MIS18A: variants seen among roughly 807,000 people sequenced by gnomAD.
The protein encoded by MIS18A is protein Mis18-alpha.
MIS18A carries 14 observed loss-of-function variants against 25.0 expected under a neutral mutation model. The ratio of observed to expected loss-of-function variants is 0.56; its 90% CI spans 0.37 to 0.88. The LOEUF (loss-of-function observed/expected upper bound fraction) is 0.88. Among genes scored for constraint, MIS18A ranks in the 40% least tolerant of loss-of-function variants. The probability of loss-of-function intolerance (pLI) is 0.00; values close to 1 mark genes in which losing one functional copy is unlikely to be tolerated. For synonymous variants in MIS18A, 134 were observed against 118.6 expected (o/e 1.13, Z -0.84); for missense variants, 292 against 290.8 (o/e 1.00, Z -0.03).
chr21:32,199,636 C>T, the MIS18A span, among the ~76,000 whole-genome samples: 2 of 151,846 alleles, frequency 1.3e-5, no homozygotes, highest in Admixed American at 6.6e-5. Context: ...GGTAAAACCC[C>T]GCCTCTACTA....
chr21:32,230,886 G>A, the MIS18A span, among the ~76,000 whole-genome samples: 27 of 152,232 alleles, frequency 1.8e-4, no homozygotes, highest in African/African-American at 6.0e-4. Context: ...ATATATGATT[G>A]CATCAAAATT....
At chr21:32,194,073 G>A in the MIS18A span, among the ~76,000 whole-genome samples, 1 of 152,142 alleles carries the variant, frequency 6.6e-6, no homozygotes, top group African/African-American at 2.4e-5. Context: ...ATGAGGCTGT[G>A]GAATGGGGAA....
At chr21:32,179,482 T>C in the MIS18A span, among the ~76,000 whole-genome samples, 1 of 151,680 alleles carries the variant, frequency 6.6e-6, no homozygotes, top group Non-Finnish European at 1.5e-5. Flanking sequence ...TACACACATC[T>C]ACACTCTAGT....
At chr21:32,194,434 C>T in the MIS18A span, among the ~76,000 whole-genome samples, 12 of 151,966 alleles carry the variant, frequency 7.9e-5, no homozygotes, top group Non-Finnish European at 1.2e-4. Flanking sequence ...CTGAGTGGGG[C>T]GGATTACCTG....
the MIS18A span, among the ~76,000 whole-genome samples, chr21:32,252,621 T>C: frequency 5.4e-4 from 83 of 152,350 alleles, no homozygotes; most frequent in Non-Finnish European, 1.1e-3. Context: ...GCATACCCGC[T>C]GTCAGAAGTA....
the MIS18A span, among the ~76,000 whole-genome samples, chr21:32,245,680 C>T: frequency 6.6e-6 from 1 of 152,186 alleles, no homozygotes; most frequent in African/African-American, 2.4e-5. Context: ...TCCTTCCAAA[C>T]CTTCAGTAAA....
At chr21:32,183,791 G>A in the MIS18A span, among the ~76,000 whole-genome samples, 2 of 152,140 alleles carry the variant, frequency 1.3e-5, no homozygotes, top group South Asian at 4.1e-4. Flanking sequence ...GCTCTTTGCT[G>A]TTGTCCAAAA....
the MIS18A span, among the ~76,000 whole-genome samples, chr21:32,155,158 G>A: frequency 3.9e-5 from 6 of 152,110 alleles, no homozygotes; most frequent in East Asian, 5.8e-4. Flanking sequence ...TAATTTTACA[G>A]CAAAATTTTA....
the MIS18A span, among the ~76,000 whole-genome samples, chr21:32,196,425 G>T: frequency 1.3e-5 from 2 of 151,226 alleles, no homozygotes; most frequent in African/African-American, 4.9e-5. Context: ...AGATCTTGGG[G>T]CTTCTCAACT....
chr21:32,254,101 T>G, the MIS18A span, among the ~76,000 whole-genome samples: 1 of 152,064 alleles, frequency 6.6e-6, no homozygotes, highest in Middle Eastern at 3.2e-3. Flanking sequence ...TGTGGTGGTG[T>G]GTGCCTGTAG....
chr21:32,232,680 A>G, the MIS18A span, among the ~76,000 whole-genome samples: 1 of 152,130 alleles, frequency 6.6e-6, no homozygotes, highest in Non-Finnish European at 1.5e-5. Context: ...TCTCACTTAT[A>G]TGAAGAAATT....
chr21:32,278,766 G>T lies in MIS18A; in HGVS notation c.249C>A (p.Phe83Leu), dbSNP rs1463283302. ...AAAAEERPLV[F>L]LCSGCRRPLG... is the part of the protein sequence containing the mutation. ...GCGGCCGCCGGCAGCCGGAGCACAG[G>T]AACACCAGCGGCCTCTCCTCCGCAG... is the stretch of plus-strand genomic sequence containing the variant. The change falls in exon 1 of 5, where the codon TTC (phenylalanine) becomes TTA (leucine). Residue 83 changes from phenylalanine to leucine, a missense_variant. Coordinates refer to ENST00000290130, the MANE Select transcript of MIS18A (RefSeq NM_018944.3). 6.3e-7 allele frequency: 1 copy of T among 1,579,474 alleles called. No homozygotes were observed. The highest frequency in any genetic ancestry group is 8.6e-7 in the Non-Finnish European group (1 of 1,168,370).
the MIS18A span, among the ~76,000 whole-genome samples, chr21:32,257,079 G>A: frequency 6.6e-6 from 1 of 152,286 alleles, no homozygotes; most frequent in Non-Finnish European, 1.5e-5. Flanking sequence ...TGGCATCACG[G>A]GACTTGGCTC....
chr21:32,277,666 G>C (rs1473791428), intron 1 of MIS18A, among the ~76,000 whole-genome samples: 1 of 152,142 alleles, frequency 6.6e-6, no homozygotes, highest in Non-Finnish European at 1.5e-5. Flanking sequence ...ATTTTTAGTA[G>C]AGATGGGGTT....
chr21:32,206,764 G>T, the MIS18A span, among the ~76,000 whole-genome samples: 1 of 152,148 alleles, frequency 6.6e-6, no homozygotes, highest in African/African-American at 2.4e-5. Context: ...AGCAGGAAAT[G>T]AGGTTATTAA....
At chr21:32,199,140 G>A in the MIS18A span, among the ~76,000 whole-genome samples, 3 of 152,114 alleles carry the variant, frequency 2.0e-5, no homozygotes, top group Non-Finnish European at 2.9e-5. Context: ...AATTCCCAAC[G>A]GGAACATATT....
the MIS18A span, among the ~76,000 whole-genome samples, chr21:32,259,086 C>CTT: frequency 1.3e-5 from 2 of 152,154 alleles, no homozygotes; most frequent in South Asian, 4.1e-4. Flanking sequence ...GTCGCCCAGG[C>CTT]CAGTCTCGAA....
At chr21:32,266,827 C>A (rs2031615329), downstream of MIS18A, among the ~76,000 whole-genome samples, 2 of 152,174 alleles carry the variant, frequency 1.3e-5, no homozygotes, top group Admixed American at 6.5e-5. Flanking sequence ...GCTTCTGGAC[C>A]CTTACTCCTG....
chr21:32,196,746 G>A, the MIS18A span, among the ~76,000 whole-genome samples: 1 of 152,078 alleles, frequency 6.6e-6, no homozygotes, highest in Non-Finnish European at 1.5e-5. Flanking sequence ...GAGCCACCAC[G>A]CCTGGCCAAG....
Sources: gnomAD v4.1 joint callset for allele counts (sites outside exome capture counted in the v4.1 genomes callset) on GRCh38, gnomAD v4.1.1 for gene constraint, MANE v1.5 for transcripts, NCBI Gene and HGNC (gene_info 2026-07-23, HGNC 2026-07-21) for gene names.